The following NPSR1 variants were observed in gnomAD, a reference collection of about 807,000 sequenced individuals.
The protein encoded by NPSR1 is neuropeptide S receptor.
NPSR1 carries 48 observed loss-of-function variants against 46.9 expected under a neutral mutation model. The observed-to-expected ratio is 1.02, with a 90% CI of 0.81 to 1.30. NPSR1 has a LOEUF of 1.30. NPSR1 is among the 50% of genes most tolerant of loss of function. The pLI, the probability that NPSR1 is intolerant of heterozygous loss-of-function variation, is 0.00. For synonymous variants in NPSR1, 176 were observed against 168.1 expected, an observed-to-expected ratio of 1.05 and a Z score of -0.36; for missense variants, 450 against 449.5, an observed-to-expected ratio of 1.00 and a Z score of -0.01.
chr7:34,736,044 T>C (rs1410841979), intron 2 of NPSR1, among the ~76,000 whole-genome samples: 1 of 152,234 alleles, frequency 6.6e-6, no homozygotes, highest in Non-Finnish European at 1.5e-5. Context: ...AAGAGTTGTT[T>C]TGATGGTGAT....
chr7:34,790,521 A>G (rs1429155849), intron 3 of NPSR1, among the ~76,000 whole-genome samples: 2 of 151,630 alleles, frequency 1.3e-5, no homozygotes, highest in East Asian at 1.9e-4. Context: ...TTCTAGCCAA[A>G]GAAGTAAGGC....
chr7:34,721,407 G>A (rs1783851289), intron 2 of NPSR1, among the ~76,000 whole-genome samples: 3 of 152,194 alleles, frequency 2.0e-5, no homozygotes, highest in African/African-American at 7.2e-5. Context: ...AAAAGACGGA[G>A]GAGGAGTCTT....
chr7:34,829,071 C>T (rs1410343900), intron 5 of NPSR1, among the ~76,000 whole-genome samples: 1 of 152,194 alleles, frequency 6.6e-6, no homozygotes, highest in East Asian at 1.9e-4. Context: ...CAGTGGGAGT[C>T]ACCTTTTCCT....
chr7:34,667,014 A>T (rs557631672), intron 1 of NPSR1, among the ~76,000 whole-genome samples: 1 of 152,368 alleles, frequency 6.6e-6, no homozygotes, highest in East Asian at 1.9e-4. Context: ...AAAAAATACT[A>T]AAACCATTCT....
At chr7:34,782,387 T>G (rs1318980224) in intron 3 of NPSR1, among the ~76,000 whole-genome samples, 1 of 152,064 alleles carries the variant, frequency 6.6e-6, no homozygotes, top group African/African-American at 2.4e-5. Context: ...GGGGGAAAGA[T>G]CAGAAGAACC....
chr7:34,707,599 A>T (rs1794172902), intron 2 of NPSR1, among the ~76,000 whole-genome samples: 1 of 152,200 alleles, frequency 6.6e-6, no homozygotes, highest in Non-Finnish European at 1.5e-5. Context: ...GGTGCTAAGG[A>T]CCCACAGTGG....
rs577186339 is a variant in NPSR1 at position 34,823,399 on chromosome 7, G to GAAAAAAAAAAAAAAAA, written c.479-4000_479-3985dup. ...TTGGCAACAGAGCAAGACTTCACCA[G>GAAAAAAAAAAAAAAAA]AAAAAAAAAAAAAAAAACAACACCA... On this transcript the variant is annotated intron_variant, in intron 4 of 8. Transcript: ENST00000360581. Among the ~76,000 whole-genome samples, 166 of 68,208 alleles carry GAAAAAAAAAAAAAAAA rather than the reference G, an allele frequency of 2.4e-3. 6 individuals are homozygous for GAAAAAAAAAAAAAAAA. Among genetic ancestry groups the GAAAAAAAAAAAAAAAA allele is most frequent in the Non-Finnish European group, 3.9e-3 (129 of 33,102 alleles). 44.7% of individuals were successfully genotyped at this position (68,208 alleles called of 152,430 possible).
At chr7:34,705,434 CAAAA>C (rs67782714) in intron 2 of NPSR1, among the ~76,000 whole-genome samples, 48 of 111,602 alleles carry the variant, frequency 4.3e-4, no homozygotes, top group African/African-American at 9.2e-4. Context: ...GACTCCATAT[CAAAA>C]AAAAAAAAAA....
chr7:34,824,138 T>C (rs1287353969), intron 4 of NPSR1, among the ~76,000 whole-genome samples: 2 of 152,228 alleles, frequency 1.3e-5, no homozygotes, highest in Non-Finnish European at 2.9e-5. Flanking sequence ...GTATTATATA[T>C]GCATGCGTTA....
intron 1 of NPSR1, among the ~76,000 whole-genome samples, chr7:34,679,285 C>CT (rs1422828380): frequency 2.0e-5 from 3 of 152,102 alleles, no homozygotes; most frequent in Non-Finnish European, 4.4e-5. Flanking sequence ...TAAAAATAGA[C>CT]TGTCAGTTTA....
chr7:34,666,135 G>A (rs1791738068), intron 1 of NPSR1, among the ~76,000 whole-genome samples: 2 of 152,174 alleles, frequency 1.3e-5, no homozygotes, highest in African/African-American at 4.8e-5. Context: ...ATTTGGGAGG[G>A]ATTCGTGACA....
At chr7:34,835,084 A>G (rs17789942) in intron 6 of NPSR1, among the ~76,000 whole-genome samples, 30,222 of 152,160 alleles carry the variant, frequency 0.2, 3,139 homozygotes, top group African/African-American at 0.22. Flanking sequence ...TTCCCAGGAA[A>G]ACATTACTGG....
At chr7:34,767,125 T>C (rs1786473527) in intron 2 of NPSR1, among the ~76,000 whole-genome samples, 1 of 152,220 alleles carries the variant, frequency 6.6e-6, no homozygotes, top group Admixed American at 6.5e-5. Context: ...TTCATTGATA[T>C]ATGACATGCT....
intron 2 of NPSR1, among the ~76,000 whole-genome samples, chr7:34,738,395 A>G (rs1208154897): frequency 6.6e-6 from 1 of 152,132 alleles, no homozygotes; most frequent in Non-Finnish European, 1.5e-5. Flanking sequence ...CAGGTTTTCT[A>G]TTTCTTCTCA....
At chr7:34,821,858 C>G (rs914585672) in intron 4 of NPSR1, among the ~76,000 whole-genome samples, 1 of 152,196 alleles carries the variant, frequency 6.6e-6, no homozygotes, top group Non-Finnish European at 1.5e-5. Context: ...GGAAAATCCT[C>G]ATCATCAGTA....
chr7:34,750,770 C>G, intron 2 of NPSR1: 1 of 693,728 alleles, frequency 1.4e-6, no homozygotes, highest in Non-Finnish European at 2.7e-6. Context: ...CTGTGACACA[C>G]AGTAGGCCAG....
intron 8 of NPSR1, chr7:34,877,972 A>G: frequency 1.5e-6 from 1 of 646,566 alleles, no homozygotes; most frequent in Non-Finnish European, 2.8e-6. Context: ...GGTAGACTAT[A>G]TCTTATGAGA....
chr7:34,759,096 T>C (rs1786028500), intron 2 of NPSR1, among the ~76,000 whole-genome samples: 1 of 152,176 alleles, frequency 6.6e-6, no homozygotes, highest in Non-Finnish European at 1.5e-5. Context: ...ACACAGTATA[T>C]CAATTTGTCC....
At chr7:34,691,338 C>T (rs1793238897) in intron 2 of NPSR1, among the ~76,000 whole-genome samples, 1 of 152,128 alleles carries the variant, frequency 6.6e-6, no homozygotes, top group South Asian at 2.1e-4. Flanking sequence ...CAAGTAACAA[C>T]ACTGTGACAG....
Sources: allele counts gnomAD v4.1 joint callset (sites outside exome capture counted in the v4.1 genomes callset), GRCh38; gene constraint gnomAD v4.1.1; transcripts MANE v1.5; gene names NCBI Gene and HGNC (gene_info 2026-07-23, HGNC 2026-07-21).